KCNH1: variants seen among roughly 807,000 people sequenced by gnomAD.
The protein encoded by KCNH1 is voltage-gated delayed rectifier potassium channel KCNH1.
Under a neutral mutation model 69.2 loss-of-function variants are expected in KCNH1, and 27 were observed. The ratio of observed to expected loss-of-function variants is 0.39; its 90% CI spans 0.29 to 0.54. The LOEUF (loss-of-function observed/expected upper bound fraction) is 0.54, where lower values mean the gene tolerates loss of function less well. Among genes scored for constraint, KCNH1 ranks in the 20% least tolerant of loss-of-function variants. The probability of loss-of-function intolerance (pLI) is 0.68; values close to 1 mark genes in which losing one functional copy is unlikely to be tolerated. For synonymous variants in KCNH1, 456 were observed against 487.7 expected (o/e 0.93, Z 0.86); for missense variants, 798 against 1,261.6 (o/e 0.63, Z 5.57).
chr1:211,020,727 T>C (rs1689573451), intron 5 of KCNH1, among the ~76,000 whole-genome samples: 1 of 151,762 alleles, frequency 6.6e-6, no homozygotes, highest in South Asian at 2.1e-4. Flanking sequence ...TGAACCTACA[T>C]ACAAAATCCT....
intron 7 of KCNH1, among the ~76,000 whole-genome samples, chr1:210,806,826 A>T (rs1205727296): frequency 0.11 from 5,176 of 46,714 alleles, 623 homozygotes; most frequent in East Asian, 0.38. Flanking sequence ...AAAAAAAAAA[A>T]AAAAAAAAAA....
Position 210,919,483 on chromosome 1 carries a change from C to T in KCNH1, c.1462+157G>A, listed in dbSNP as rs144991729. Reference sequence around the variant, plus strand: ...TAAATTTTTTTGCAGTAAGCATATACTGCTTTAATTATCAGGGTAACTGTA... The same window carrying T: ...TAAATTTTTTTGCAGTAAGCATATATTGCTTTAATTATCAGGGTAACTGTA... On this transcript the variant is annotated intron_variant, in intron 7 of 10. Coordinates refer to ENST00000271751, the MANE Select transcript of KCNH1 (RefSeq NM_172362.3). This position sits in a 1 kb window ranked among gnomAD's most constrained non-coding sequence, Gnocchi z 4.2. 2.7e-6 allele frequency: 2 copies of T among 751,198 alleles called. No homozygotes were observed. Among genetic ancestry groups the T allele is most frequent in the Admixed American group, 2.4e-5 (1 of 41,890 alleles). 46.5% of individuals were successfully genotyped at this position (751,198 alleles called of 1,614,324 possible).
At chr1:210,981,411 C>T (rs940515727) in intron 6 of KCNH1, among the ~76,000 whole-genome samples, 4 of 147,446 alleles carry the variant, frequency 2.7e-5, no homozygotes, top group Non-Finnish European at 4.5e-5. Flanking sequence ...CCTTATCACA[C>T]CATGGCTATA....
At chr1:210,920,765 G>A (rs1183155756) in intron 6 of KCNH1, among the ~76,000 whole-genome samples, 1 of 152,126 alleles carries the variant, frequency 6.6e-6, no homozygotes, top group African/African-American at 2.4e-5. Flanking sequence ...TGGTTCCTCA[G>A]AAACATTACA....
chr1:211,051,985 T>G (rs1690215681), intron 5 of KCNH1, among the ~76,000 whole-genome samples: 1 of 150,746 alleles, frequency 6.6e-6, no homozygotes, highest in South Asian at 2.1e-4. Context: ...AAAAAAAAAA[T>G]GCAGAAAATC....
chr1:210,941,665 A>T (rs189781778), intron 6 of KCNH1, among the ~76,000 whole-genome samples: 1 of 152,224 alleles, frequency 6.6e-6, no homozygotes, highest in East Asian at 1.9e-4. Flanking sequence ...GAGGCAAAGG[A>T]AGTCAAAGCT....
chr1:210,974,264 T>G (rs1321533223), intron 6 of KCNH1, among the ~76,000 whole-genome samples: 12 of 152,200 alleles, frequency 7.9e-5, no homozygotes, highest in Non-Finnish European at 2.9e-5. Context: ...ATGATTTTTC[T>G]GTATCTATTA....
At chr1:211,123,463 C>CAGGCAGATGGGCAGATATGGATAGGTGG (rs1410589757) in intron 1 of KCNH1, among the ~76,000 whole-genome samples, 12 of 152,098 alleles carry the variant, frequency 7.9e-5, no homozygotes, top group Admixed American at 1.3e-4. Flanking sequence ...GACAGAAAGA[C>CAGGCAGATGGGCAGATATGGATAGGTGG]AGGCAGATGG....
chr1:211,000,744 G>C (rs571917505), intron 6 of KCNH1, among the ~76,000 whole-genome samples: 1 of 152,018 alleles, frequency 6.6e-6, no homozygotes, highest in Non-Finnish European at 1.5e-5. Context: ...GAGGCATCAC[G>C]CTACCTGACT....
At chr1:210,730,063 T>G (rs1439781084) in intron 10 of KCNH1, among the ~76,000 whole-genome samples, 2 of 152,154 alleles carry the variant, frequency 1.3e-5, no homozygotes, top group Non-Finnish European at 2.9e-5. Flanking sequence ...AATGTCTTAC[T>G]CTAAAATAAA....
intron 7 of KCNH1, among the ~76,000 whole-genome samples, chr1:210,882,714 T>C (rs1686523014): frequency 2.0e-5 from 3 of 151,382 alleles, no homozygotes; most frequent in African/African-American, 7.3e-5. Context: ...GGATGAGGAG[T>C]AGGAGGGGAA....
At chr1:210,985,635 G>A (rs1409482651) in intron 6 of KCNH1, among the ~76,000 whole-genome samples, 2 of 152,226 alleles carry the variant, frequency 1.3e-5, no homozygotes, top group Non-Finnish European at 2.9e-5. Flanking sequence ...TGATTGCACT[G>A]TGGTCTGGGA....
chr1:210,981,312 A>G (rs990774964), intron 6 of KCNH1, among the ~76,000 whole-genome samples: 2 of 151,156 alleles, frequency 1.3e-5, no homozygotes, highest in Non-Finnish European at 2.9e-5. Flanking sequence ...TTGCTTCAGC[A>G]ACTACATCTA....
chr1:210,961,044 G>C (rs574634166), intron 6 of KCNH1, among the ~76,000 whole-genome samples: 10 of 152,220 alleles, frequency 6.6e-5, no homozygotes, highest in Non-Finnish European at 8.8e-5. Flanking sequence ...AGTTATAATA[G>C]TTGTTTTAAT....
Position 211,018,884 on chromosome 1 carries a change from C to T in KCNH1, c.931G>A (p.Ala311Thr), listed in dbSNP as rs1689541630. ...LSCLPYDVINAFENVDEVSAF... is the reference protein window; with the variant it reads ...LSCLPYDVINTFENVDEVSAF... ...CTAACCTCATCCACGTTCTCAAAAG[C>T]GTTGATGACATCATATGGCAAACAG... The change falls in exon 6 of 11, where the codon GCT becomes ACT. Residue 311 changes from alanine (A) to threonine (T), a missense_variant. This residue lies in a region of KCNH1 where 266 missense variants were observed against 457.2 expected (regional missense o/e 0.58). Coordinates refer to ENST00000271751, the MANE Select transcript of KCNH1 (RefSeq NM_172362.3). 3.7e-6 allele frequency: 6 copies of T among 1,614,032 alleles called. No individual in the cohort carries two copies. The highest frequency in any genetic ancestry group is 2.2e-5 in the East Asian group (1 of 44,872).
At chr1:210,976,548 T>C (rs1422309493) in intron 6 of KCNH1, among the ~76,000 whole-genome samples, 1 of 142,750 alleles carries the variant, frequency 7.0e-6, no homozygotes, top group Non-Finnish European at 1.5e-5. Flanking sequence ...AGTGTGGCGA[T>C]TCCTCAGGGA....
intron 6 of KCNH1, among the ~76,000 whole-genome samples, chr1:210,981,318 A>G (rs1318388794): frequency 6.8e-6 from 1 of 147,476 alleles, no homozygotes; most frequent in Admixed American, 7.1e-5. Flanking sequence ...CAGCAACTAC[A>G]TCTAGTCCCA....
At chr1:210,719,224 C>A (rs1403908330) in intron 10 of KCNH1, among the ~76,000 whole-genome samples, 1 of 152,112 alleles carries the variant, frequency 6.6e-6, no homozygotes, top group Non-Finnish European at 1.5e-5. Flanking sequence ...TTTCCATCAC[C>A]ACAGAAAGTT....
Position 210,682,895 on chromosome 1 carries a change from A to G in KCNH1, c.*386T>C. 5.0e-6 allele frequency: 1 copy of G among 201,952 alleles called. No individual in the cohort carries two copies. Among genetic ancestry groups the G allele is most frequent in the Non-Finnish European group, 1.0e-5 (1 of 99,146 alleles). The allele number at this position is 201,952 out of a possible 1,614,324, so 12.5% of individuals were successfully genotyped here. ...GGGGGTCTTGGCAAAGGAGCCCAGCATAGTATATACATGAGAGGTTCTCGG... is the reference window on the plus strand; with the variant it reads ...GGGGGTCTTGGCAAAGGAGCCCAGCGTAGTATATACATGAGAGGTTCTCGG... On this transcript the variant is annotated 3_prime_UTR_variant, in exon 11 of 11. Transcript: ENST00000271751.
Sources: gnomAD v4.1 joint callset for allele counts (sites outside exome capture counted in the v4.1 genomes callset) on GRCh38, gnomAD v4.1.1 for gene constraint, gnomAD v4.1.1 regional missense constraint, Gnocchi (gnomAD v3.1) non-coding constraint, MANE v1.5 for transcripts, NCBI Gene and HGNC (gene_info 2026-07-23, HGNC 2026-07-21) for gene names.